The following LDAF1 variants were observed in gnomAD, a reference collection of about 807,000 sequenced individuals.
LDAF1 encodes lipid droplet assembly factor 1, also known as PROMETHIN.
Under a neutral mutation model 13.5 loss-of-function variants are expected in LDAF1, and 7 were observed. The ratio of observed to expected loss-of-function variants is 0.52; its 90% confidence interval spans 0.29 to 0.97. The LOEUF (loss-of-function observed/expected upper bound fraction) is 0.97, where lower values mean the gene tolerates loss of function less well. Ranked by LOEUF, LDAF1 falls within the 50% of genes least tolerant of loss-of-function variation. The probability of loss-of-function intolerance (pLI) is 0.07; values close to 1 mark genes in which losing one functional copy is unlikely to be tolerated. For missense variants in LDAF1, 148 were observed against 193.2 expected (o/e 0.77, Z 1.39); for synonymous variants, 69 against 77.1 (o/e 0.89, Z 0.55).
At chr16:21,167,020 A>T in intron 2 of LDAF1, 1 of 1,035,692 alleles carries the variant, frequency 9.7e-7, no homozygotes, top group Non-Finnish European at 1.4e-6. Context: ...AGCGGGCATT[A>T]TGCCGTCCTG....
intron 2 of LDAF1, chr16:21,167,003 T>A: frequency 1.6e-6 from 2 of 1,249,724 alleles, no homozygotes; most frequent in Non-Finnish European, 2.2e-6. Flanking sequence ...CAGGAGGCAG[T>A]GAGGTCAGCG....
At chr16:21,168,811 T>TTATATTTTATAAAATTAAAATTATAA (rs1204417486) in intron 2 of LDAF1, among the ~76,000 whole-genome samples, 27 of 132,670 alleles carry the variant, frequency 2.0e-4, no homozygotes, top group Non-Finnish European at 3.4e-4. Flanking sequence ...TATTTTTATA[T>TTATATTTTATAAAATTAAAATTATAA]AAAATTAAAT....
chr16:21,160,677 T>G (rs1473918099), intron 1 of LDAF1, among the ~76,000 whole-genome samples: 2 of 152,350 alleles, frequency 1.3e-5, no homozygotes, highest in East Asian at 3.8e-4. Flanking sequence ...TCAGAGATAA[T>G]ACTATTAACA....
At chr16:21,178,420 G>A in intron 4 of LDAF1, 1 of 984,032 alleles carries the variant, frequency 1.0e-6, no homozygotes, top group Non-Finnish European at 1.2e-6. Context: ...AATGGTTTAG[G>A]TGGCAAATAA....
intron 1 of LDAF1, 139 bp downstream of exon 1, chr16:21,158,885 C>G (rs1030382075): frequency 5.8e-6 from 1 of 172,944 alleles, no homozygotes; most frequent in Non-Finnish European, 1.2e-5. Flanking sequence ...GCTTTCTGCC[C>G]CGGGGTTAGT....
rs758377402 is a variant in LDAF1 at position 21,170,433 on chromosome 16, A to G, written c.97-4A>G. On this transcript the variant is annotated splice_region_variant and splice_polypyrimidine_tract_variant and intron_variant, in intron 2 of 4. Coordinates refer to ENST00000233047, the MANE Select transcript of LDAF1 (RefSeq NM_001301771.2). Reference sequence around the variant, plus strand: ...ATCCCTGGCTCTTTGTCCTTTGCCTACAGGTGGTGGCCTTTATGAAGTCTC... The same window carrying G: ...ATCCCTGGCTCTTTGTCCTTTGCCTGCAGGTGGTGGCCTTTATGAAGTCTC... The G allele has an allele frequency of 2.7e-5, 43 of 1,613,908 alleles. No homozygotes were observed. Among genetic ancestry groups the G allele is most frequent in the Non-Finnish European group, 3.5e-5 (41 of 1,180,004 alleles).
At chr16:21,159,287 A>G (rs2092934272) in intron 1 of LDAF1, 2 of 1,557,272 alleles carry the variant, frequency 1.3e-6, no homozygotes, top group Admixed American at 1.7e-5. Flanking sequence ...CCCATTATTC[A>G]GTCTCTGTGC....
rs1025169859 is a variant in LDAF1 at position 21,177,619 on chromosome 16, CT to C, written c.405-1836del. On this transcript the variant is annotated intron_variant, in intron 4 of 4. Transcript: ENST00000233047. ...CTGAGAACCCTTGCATTAGCGAATT[CT>C]TTTTTTTTTTTTTTTTTTTGAGACG... 4.1e-3 allele frequency among the ~76,000 whole-genome samples: 475 copies of C among 115,868 alleles called. 3 individuals are homozygous for C. The highest frequency in any genetic ancestry group is 0.012 in the African/African-American group (374 of 30,778). The allele number at this position is 115,868 out of a possible 152,430, so 76.0% of individuals were successfully genotyped here.
chr16:21,173,623 G>C (rs1481459290), intron 3 of LDAF1, among the ~76,000 whole-genome samples: 2 of 151,984 alleles, frequency 1.3e-5, no homozygotes, highest in African/African-American at 2.4e-5. Context: ...CTGAAGCCGG[G>C]AATCACTTGA....
intron 1 of LDAF1, chr16:21,159,479 A>G: frequency 6.3e-7 from 1 of 1,595,640 alleles, no homozygotes; most frequent in Admixed American, 1.7e-5. Flanking sequence ...CCCAGCTTGA[A>G]CTTTCGAGGT....
chr16:21,174,927 G>A (rs554052744), intron 4 of LDAF1, among the ~76,000 whole-genome samples: 6 of 152,254 alleles, frequency 3.9e-5, no homozygotes, highest in South Asian at 2.1e-4. Context: ...CACCAACTGA[G>A]TGTGAGCCTC....
intron 4 of LDAF1, among the ~76,000 whole-genome samples, chr16:21,175,541 T>C (rs979341257): frequency 2.6e-5 from 4 of 152,220 alleles, no homozygotes; most frequent in African/African-American, 7.2e-5. Flanking sequence ...GTAAATAATA[T>C]AGTCTCTACT....
At chr16:21,178,472 A>C (rs1165777538) in intron 4 of LDAF1, 5 of 847,062 alleles carry the variant, frequency 5.9e-6, no homozygotes, top group Non-Finnish European at 1.4e-6. Context: ...CACACAGGGA[A>C]CTTTTTTTTA....
intron 3 of LDAF1, among the ~76,000 whole-genome samples, chr16:21,172,568 A>C (rs936716814): frequency 6.6e-6 from 1 of 152,206 alleles, no homozygotes; most frequent in Non-Finnish European, 1.5e-5. Flanking sequence ...TTGAGGCTGT[A>C]GTGAGCTATG....
At chr16:21,168,926 A>T (rs1309651794) in intron 2 of LDAF1, among the ~76,000 whole-genome samples, 3 of 132,454 alleles carry the variant, frequency 2.3e-5, no homozygotes, top group Non-Finnish European at 3.1e-5. Flanking sequence ...TTATATTTAT[A>T]TATTTAAATA....
At chr16:21,174,995 C>T (rs1018647160) in intron 4 of LDAF1, among the ~76,000 whole-genome samples, 1 of 152,162 alleles carries the variant, frequency 6.6e-6, no homozygotes, top group Non-Finnish European at 1.5e-5. Context: ...CCAGCTACTT[C>T]ATCTGGGGCC....
chr16:21,173,791 C>T (rs532463932), intron 3 of LDAF1, among the ~76,000 whole-genome samples: 4 of 152,142 alleles, frequency 2.6e-5, no homozygotes, highest in Middle Eastern at 3.4e-3. Flanking sequence ...CTGGAGGCAA[C>T]GGGAGGGCCA....
At chr16:21,171,013 G>A (rs542199054) in intron 3 of LDAF1, among the ~76,000 whole-genome samples, 6 of 152,208 alleles carry the variant, frequency 3.9e-5, no homozygotes, top group Admixed American at 3.3e-4. Context: ...GAAACTTATG[G>A]CTCCATAAAG....
chr16:21,166,119 C>T (rs1039056843), intron 2 of LDAF1, among the ~76,000 whole-genome samples: 1 of 152,138 alleles, frequency 6.6e-6, no homozygotes, highest in Non-Finnish European at 1.5e-5. Context: ...ACCTCAGCCT[C>T]CCAAAGTGCT....
Sources: gnomAD v4.1 joint callset for allele counts (sites outside exome capture counted in the v4.1 genomes callset) on GRCh38, gnomAD v4.1.1 for gene constraint, MANE v1.5 for transcripts, NCBI Gene and HGNC (gene_info 2026-07-23, HGNC 2026-07-21) for gene names.